HCN1: variants seen among roughly 807,000 people sequenced by gnomAD.
HCN1 encodes potassium/sodium hyperpolarization-activated cyclic nucleotide-gated channel 1.
In HCN1, 13 loss-of-function variants were observed where a neutral mutation model predicts 78.9. The ratio of observed to expected loss-of-function variants is 0.16; its 90% CI spans 0.11 to 0.26. The LOEUF (loss-of-function observed/expected upper bound fraction) is 0.26, where lower values mean the gene tolerates loss of function less well. HCN1 is among the 10% of genes least tolerant of loss of function. The pLI is 1.00. For missense variants in HCN1, 810 were observed against 1,154.3 expected, an observed-to-expected ratio of 0.70 and a Z score of 4.32; for synonymous variants, 552 against 455.5, an observed-to-expected ratio of 1.21 and a Z score of -2.70.
chr5:45,366,806 ATATTCC>A (rs1170298746), intron 4 of HCN1, among the ~76,000 whole-genome samples: 1 of 151,768 alleles, frequency 6.6e-6, no homozygotes, highest in Non-Finnish European at 1.5e-5. Context: ...TCTAACAAAG[ATATTCC>A]TTCAGTACAA....
chr5:45,471,352 C>T (rs1561167426), intron 2 of HCN1, among the ~76,000 whole-genome samples: 1 of 151,814 alleles, frequency 6.6e-6, no homozygotes, highest in Non-Finnish European at 1.5e-5. Context: ...ACTTCTGACT[C>T]CAACTCCAAA....
chr5:45,341,661 C>T (rs549254242), intron 5 of HCN1, among the ~76,000 whole-genome samples: 3 of 152,222 alleles, frequency 2.0e-5, no homozygotes, highest in South Asian at 2.1e-4. Flanking sequence ...GGAGGTTGAA[C>T]TGGGAGGATC....
chr5:45,546,765 A>C (rs1743238598), intron 2 of HCN1, among the ~76,000 whole-genome samples: 1 of 151,896 alleles, frequency 6.6e-6, no homozygotes, highest in Non-Finnish European at 1.5e-5. Context: ...TCAGACCAGA[A>C]GACACCTTAA....
chr5:45,373,054 T>A (rs1747458892), intron 4 of HCN1, among the ~76,000 whole-genome samples: 1 of 135,682 alleles, frequency 7.4e-6, no homozygotes, highest in Non-Finnish European at 1.5e-5. Flanking sequence ...AAATATAATA[T>A]ATATAAAATA....
At chr5:45,276,745 C>A (rs1745068134) in intron 6 of HCN1, among the ~76,000 whole-genome samples, 1 of 151,998 alleles carries the variant, frequency 6.6e-6, no homozygotes, top group Non-Finnish European at 1.5e-5. Flanking sequence ...CTACTAGAGA[C>A]TTTATGTAAA....
intron 3 of HCN1, among the ~76,000 whole-genome samples, chr5:45,441,803 G>A (rs1216202185): frequency 6.6e-6 from 1 of 152,090 alleles, no homozygotes; most frequent in Admixed American, 6.6e-5. Context: ...ATTAATTAAT[G>A]GAGTGCTCAA....
At chr5:45,546,853 T>C (rs1049155559) in intron 2 of HCN1, among the ~76,000 whole-genome samples, 2 of 151,912 alleles carry the variant, frequency 1.3e-5, no homozygotes, top group Non-Finnish European at 2.9e-5. Flanking sequence ...AAACAAGTTG[T>C]TTTCACGAGT....
chr5:45,404,768 T>C (rs1739888518), intron 3 of HCN1, among the ~76,000 whole-genome samples: 1 of 138,992 alleles, frequency 7.2e-6, no homozygotes, highest in African/African-American at 2.6e-5. Flanking sequence ...GTCCTAGACC[T>C]CCTGACATAA....
At chr5:45,316,323 T>C (rs762540915) in intron 5 of HCN1, among the ~76,000 whole-genome samples, 1 of 152,178 alleles carries the variant, frequency 6.6e-6, no homozygotes, top group Non-Finnish European at 1.5e-5. Flanking sequence ...CACATGATTA[T>C]CTCAATAGAT....
intron 5 of HCN1, among the ~76,000 whole-genome samples, chr5:45,313,567 CCAA>C (rs1745907327): frequency 6.6e-6 from 1 of 152,162 alleles, no homozygotes; most frequent in African/African-American, 2.4e-5. Context: ...TAAAACTTCT[CCAA>C]GCTAAAGGAG....
intron 5 of HCN1, among the ~76,000 whole-genome samples, chr5:45,333,961 C>G (rs1746399688): frequency 6.6e-6 from 1 of 151,698 alleles, no homozygotes; most frequent in Admixed American, 6.6e-5. Context: ...TGCATGATGC[C>G]ATTGACTGTA....
intron 2 of HCN1, among the ~76,000 whole-genome samples, chr5:45,522,479 C>T (rs886252475): frequency 7.2e-5 from 11 of 151,922 alleles, no homozygotes; most frequent in African/African-American, 2.7e-4. Flanking sequence ...CAGTACTATA[C>T]CCCTACAATT....
intron 2 of HCN1, among the ~76,000 whole-genome samples, chr5:45,623,823 A>G (rs1745114232): frequency 6.6e-6 from 1 of 152,236 alleles, no homozygotes. Flanking sequence ...AACAAAAAAT[A>G]GAACACAGCA....
intron 6 of HCN1, among the ~76,000 whole-genome samples, chr5:45,274,791 C>A (rs2111858308): frequency 6.6e-6 from 1 of 152,300 alleles, no homozygotes; most frequent in African/African-American, 2.4e-5. Flanking sequence ...TCCACTAATA[C>A]TCTTTCTTAA....
intron 2 of HCN1, among the ~76,000 whole-genome samples, chr5:45,581,970 GTTC>G (rs1744086746): frequency 6.6e-6 from 1 of 152,122 alleles, no homozygotes; most frequent in African/African-American, 2.4e-5. Flanking sequence ...CTCCAGCTTT[GTTC>G]ATTTGGCTTA....
chr5:45,620,547 A>C (rs934345356), intron 2 of HCN1, among the ~76,000 whole-genome samples: 1 of 151,828 alleles, frequency 6.6e-6, no homozygotes, highest in African/African-American at 2.4e-5. Flanking sequence ...AAACTATGTG[A>C]GGAAACTTTA....
chr5:45,260,426 T>C lies in HCN1; in HGVS notation c.*1495A>G, dbSNP rs1744708793. 1 of 152,176 alleles carries C rather than the reference T, an allele frequency of 6.6e-6. No homozygotes were observed. The highest frequency in any genetic ancestry group is 1.5e-5 in the Non-Finnish European group (1 of 68,028). 9.4% of individuals were successfully genotyped at this position (152,176 alleles called of 1,614,324 possible). On this transcript the variant is annotated 3_prime_UTR_variant, in exon 8 of 8. Transcript: ENST00000303230. Reference sequence around the variant, plus strand: ...AAGAGTTAAGAAAACAGACAGACAATGCTCATAGACGTTCAACTTTACCCC... The same window carrying C: ...AAGAGTTAAGAAAACAGACAGACAACGCTCATAGACGTTCAACTTTACCCC...
At chr5:45,398,713 T>C (rs570191921) in intron 3 of HCN1, among the ~76,000 whole-genome samples, 9 of 152,340 alleles carry the variant, frequency 5.9e-5, no homozygotes, top group African/African-American at 2.2e-4. Context: ...TGTATTGCTA[T>C]ATTTTTAGTT....
chr5:45,344,910 C>A (rs760377008), intron 5 of HCN1, among the ~76,000 whole-genome samples: 6 of 152,148 alleles, frequency 3.9e-5, no homozygotes, highest in Non-Finnish European at 7.4e-5. Flanking sequence ...AGGCAGTGAC[C>A]CAGTGGAGAC....
Sources: gnomAD v4.1 joint callset for allele counts (sites outside exome capture counted in the v4.1 genomes callset) on GRCh38, gnomAD v4.1.1 for gene constraint, MANE v1.5 for transcripts, NCBI Gene and HGNC (gene_info 2026-07-23, HGNC 2026-07-21) for gene names.